Variants in PPARGC1A observed in about 807,000 individuals in gnomAD.
PPARGC1A encodes peroxisome proliferator-activated receptor gamma coactivator 1-alpha.
Under a neutral mutation model 88.7 loss-of-function variants are expected in PPARGC1A, and 25 were observed. The observed-to-expected ratio is 0.28, with a 90% CI of 0.21 to 0.39. PPARGC1A has a LOEUF of 0.39. Among genes scored for constraint, PPARGC1A ranks in the 10% least tolerant of loss-of-function variants. PPARGC1A has a pLI of 1.00. For missense variants in PPARGC1A, 880 were observed against 968.7 expected (o/e 0.91, Z 1.22); for synonymous variants, 363 against 355.6 (o/e 1.02, Z -0.24).
chr4:23,876,250 A>T (rs925720635), intron 2 of PPARGC1A, among the ~76,000 whole-genome samples: 1 of 152,232 alleles, frequency 6.6e-6, no homozygotes, highest in Admixed American at 6.5e-5. Flanking sequence ...CTAAGTGACT[A>T]TTGGTAATAA....
the PPARGC1A span, among the ~76,000 whole-genome samples, chr4:23,972,077 T>C: frequency 6.6e-6 from 1 of 152,102 alleles, no homozygotes; most frequent in Non-Finnish European, 1.5e-5. Flanking sequence ...TTAAGTAGGA[T>C]GGAAAAGAAG....
chr4:24,224,417 C>T, the PPARGC1A span, among the ~76,000 whole-genome samples: 1 of 152,122 alleles, frequency 6.6e-6, no homozygotes, highest in South Asian at 2.1e-4. Flanking sequence ...ATAGAACATC[C>T]TCAAGGACAC....
At chr4:24,178,100 T>C in the PPARGC1A span, among the ~76,000 whole-genome samples, 4 of 152,228 alleles carry the variant, frequency 2.6e-5, no homozygotes, top group Admixed American at 6.5e-5. Flanking sequence ...AAGATGGCCT[T>C]TGAGCCTATT....
the PPARGC1A span, among the ~76,000 whole-genome samples, chr4:24,379,166 A>T: frequency 6.6e-6 from 1 of 152,206 alleles, no homozygotes; most frequent in African/African-American, 2.4e-5. Context: ...AAATTATCGC[A>T]TGTCTATATG....
the PPARGC1A span, among the ~76,000 whole-genome samples, chr4:23,911,819 C>A: frequency 6.6e-6 from 1 of 152,076 alleles, no homozygotes; most frequent in African/African-American, 2.4e-5. Flanking sequence ...ACTTCTTAAC[C>A]TATTCTTATA....
the PPARGC1A span, among the ~76,000 whole-genome samples, chr4:23,977,030 A>G: frequency 6.6e-6 from 1 of 152,026 alleles, no homozygotes; most frequent in Non-Finnish European, 1.5e-5. Context: ...GAGGAAAAGG[A>G]GAACAAGAAG....
At chr4:24,373,070 T>C in the PPARGC1A span, among the ~76,000 whole-genome samples, 4 of 152,072 alleles carry the variant, frequency 2.6e-5, no homozygotes, top group Admixed American at 6.6e-5. Flanking sequence ...AGAAACACAG[T>C]CCAGTTCTAC....
At chr4:24,374,789 A>C in the PPARGC1A span, among the ~76,000 whole-genome samples, 1 of 152,150 alleles carries the variant, frequency 6.6e-6, no homozygotes, top group Non-Finnish European at 1.5e-5. Flanking sequence ...TACCATGATG[A>C]TGCAACTGTA....
chr4:23,917,797 T>G, the PPARGC1A span, among the ~76,000 whole-genome samples: 1 of 152,222 alleles, frequency 6.6e-6, no homozygotes, highest in Non-Finnish European at 1.5e-5. Flanking sequence ...CTTTGAAAAT[T>G]AAACCTGCCA....
chr4:24,422,009 A>C, the PPARGC1A span, among the ~76,000 whole-genome samples: 5 of 152,254 alleles, frequency 3.3e-5, no homozygotes, highest in African/African-American at 9.6e-5. Context: ...ACTCAGATTA[A>C]ACAATATAAT....
At chr4:24,133,372 T>C in the PPARGC1A span, among the ~76,000 whole-genome samples, 1 of 152,234 alleles carries the variant, frequency 6.6e-6, no homozygotes. Context: ...GGTTTTATCT[T>C]ATTTTAGGAC....
the PPARGC1A span, among the ~76,000 whole-genome samples, chr4:24,431,141 A>AG: frequency 6.7e-6 from 1 of 148,724 alleles, no homozygotes; most frequent in African/African-American, 2.5e-5. Context: ...AAAAAAAAAA[A>AG]AGAGAAAAAA....
At chr4:24,152,462 G>A in the PPARGC1A span, among the ~76,000 whole-genome samples, 1 of 152,156 alleles carries the variant, frequency 6.6e-6, no homozygotes, top group Non-Finnish European at 1.5e-5. Flanking sequence ...CATATAAAAA[G>A]TATAAATAAG....
At chr4:23,808,112 G>A (rs763606491) in intron 10 of PPARGC1A, among the ~76,000 whole-genome samples, 8 of 152,062 alleles carry the variant, frequency 5.3e-5, no homozygotes, top group African/African-American at 9.6e-5. Flanking sequence ...TTAGCCGGGC[G>A]TGGTGGTGGA....
the PPARGC1A span, among the ~76,000 whole-genome samples, chr4:24,429,742 C>T: frequency 6.7e-6 from 1 of 150,142 alleles, no homozygotes; most frequent in South Asian, 2.1e-4. Flanking sequence ...ATCTCTGCAT[C>T]CCAGGTTCAA....
chr4:24,094,993 G>A, the PPARGC1A span, among the ~76,000 whole-genome samples: 3 of 152,074 alleles, frequency 2.0e-5, no homozygotes, highest in Admixed American at 6.5e-5. Context: ...GAGCTTGCTC[G>A]AGGACACTGC....
the PPARGC1A span, among the ~76,000 whole-genome samples, chr4:24,316,014 G>A: frequency 6.6e-6 from 1 of 152,200 alleles, no homozygotes; most frequent in African/African-American, 2.4e-5. Context: ...ATATAAACAA[G>A]GCCAAGAGGG....
chr4:24,123,865 T>C, the PPARGC1A span, among the ~76,000 whole-genome samples: 2 of 150,568 alleles, frequency 1.3e-5, no homozygotes, highest in African/African-American at 4.9e-5. Context: ...GCAGTTTCAG[T>C]TTCATGCCTT....
the PPARGC1A span, among the ~76,000 whole-genome samples, chr4:24,274,353 C>T: frequency 1.3e-5 from 2 of 152,100 alleles, no homozygotes; most frequent in Admixed American, 6.5e-5. Context: ...GAAGTCTACC[C>T]TGGTTTTACT....
Sources: gnomAD v4.1 joint callset for allele counts (sites outside exome capture counted in the v4.1 genomes callset) on GRCh38, gnomAD v4.1.1 for gene constraint, MANE v1.5 for transcripts, NCBI Gene and HGNC (gene_info 2026-07-23, HGNC 2026-07-21) for gene names.